The following SGCD variants were observed in gnomAD, a reference collection of about 807,000 sequenced individuals.
SGCD encodes the protein sarcoglycan delta, also known as delta-sarcoglycan.
A neutral mutation model predicts 36.6 loss-of-function variants in SGCD; 18 were observed. That is an observed-to-expected ratio of 0.49 (90% CI 0.34 to 0.73). The LOEUF (loss-of-function observed/expected upper bound fraction) is 0.73, where lower values mean the gene tolerates loss of function less well. Ranked by LOEUF, SGCD falls within the 30% of genes least tolerant of loss-of-function variation. The probability of loss-of-function intolerance (pLI) is 0.01; values close to 1 mark genes in which losing one functional copy is unlikely to be tolerated. For missense variants in SGCD, 387 were observed against 346.7 expected, an observed-to-expected ratio of 1.12 and a Z score of -0.92; for synonymous variants, 133 against 130.6, an observed-to-expected ratio of 1.02 and a Z score of -0.12.
At chr5:156,694,985 A>G (rs960534304) in intron 7 of SGCD, among the ~76,000 whole-genome samples, 1 of 152,224 alleles carries the variant, frequency 6.6e-6, no homozygotes, top group Admixed American at 6.5e-5. Context: ...GAGTAAATGA[A>G]TATTACTGCA....
chr5:155,733,014 GTTTT>G, the SGCD span, among the ~76,000 whole-genome samples: 40,813 of 141,516 alleles, frequency 0.29, 5,948 homozygotes, highest in East Asian at 0.37. Flanking sequence ...TGTTATACTC[GTTTT>G]TTTTTTTTTT....
chr5:155,868,913 G>A (rs1755575806), upstream of SGCD, among the ~76,000 whole-genome samples: 1 of 152,124 alleles, frequency 6.6e-6, no homozygotes, highest in Non-Finnish European at 1.5e-5. Context: ...AGCAAGAAAT[G>A]TGAACAGTAA....
the SGCD span, among the ~76,000 whole-genome samples, chr5:155,801,932 T>C: frequency 6.6e-6 from 1 of 152,212 alleles, no homozygotes; most frequent in African/African-American, 2.4e-5. Flanking sequence ...TGTAAGGGCA[T>C]CTGTGTCACC....
chr5:155,797,415 A>G, the SGCD span, among the ~76,000 whole-genome samples: 1 of 152,366 alleles, frequency 6.6e-6, no homozygotes, highest in East Asian at 1.9e-4. Context: ...TATAAAATAA[A>G]AGGAGTTCTA....
At position 156,577,331 on chromosome 5, in the gene SGCD, T is replaced by C. The variant is rs538959756; in HGVS notation, c.295-11900T>C. ...TTTTGGTTGCTGTAGCCTTGTGGAA[T>C]GGTTTGAAGTCAGGTAAAGTGATTC... On this transcript the variant is annotated intron_variant, in intron 4 of 8. Coordinates refer to ENST00000337851, the MANE Select transcript of SGCD (RefSeq NM_000337.6). Among the ~76,000 whole-genome samples, 11 of 152,354 alleles carry C rather than the reference T, an allele frequency of 7.2e-5. No homozygotes were observed. In the South Asian group the frequency reaches 2.1e-3, roughly 29 times the overall value.
At chr5:156,122,506 G>T (rs532426421) in intron 2 of SGCD, among the ~76,000 whole-genome samples, 35 of 152,160 alleles carry the variant, frequency 2.3e-4, no homozygotes, top group African/African-American at 8.4e-4. Flanking sequence ...GAGGAGAAAA[G>T]TTTCCCAGGT....
the SGCD span, among the ~76,000 whole-genome samples, chr5:155,806,902 G>T: frequency 6.6e-6 from 1 of 152,156 alleles, no homozygotes; most frequent in East Asian, 1.9e-4. Flanking sequence ...TCTCAGAAGA[G>T]TTTATAAGTT....
chr5:156,061,710 G>A (rs530557350), intron 1 of SGCD, among the ~76,000 whole-genome samples: 28 of 145,476 alleles, frequency 1.9e-4, no homozygotes, highest in African/African-American at 6.4e-4. Context: ...ACTAGGAACA[G>A]GAGAAATTTA....
chr5:156,096,591 G>A (rs181865402), intron 1 of SGCD, among the ~76,000 whole-genome samples: 135 of 152,264 alleles, frequency 8.9e-4, no homozygotes, highest in Non-Finnish European at 1.6e-3. Context: ...AACTGCAGCC[G>A]TCAGGTAATC....
intron 3 of SGCD, among the ~76,000 whole-genome samples, chr5:156,456,113 T>C (rs575272729): frequency 6.6e-6 from 1 of 152,268 alleles, no homozygotes; most frequent in East Asian, 1.9e-4. Context: ...AGAAAACTAG[T>C]GCAGTTTGGT....
chr5:156,406,841 C>CAT (rs541397953), intron 3 of SGCD, among the ~76,000 whole-genome samples: 3 of 119,546 alleles, frequency 2.5e-5, no homozygotes, highest in African/African-American at 9.7e-5. Context: ...CACACACACA[C>CAT]ATATATATGT....
At chr5:156,622,734 G>A (rs989654528) in intron 6 of SGCD, among the ~76,000 whole-genome samples, 2 of 152,148 alleles carry the variant, frequency 1.3e-5, no homozygotes, top group African/African-American at 4.8e-5. Flanking sequence ...TGAACTGGGA[G>A]AAACTTAGCA....
intron 1 of SGCD, among the ~76,000 whole-genome samples, chr5:156,091,979 A>ACC (rs1247828263): frequency 1.3e-5 from 2 of 152,214 alleles, no homozygotes; most frequent in Admixed American, 1.3e-4. Flanking sequence ...GGAGAAGCAC[A>ACC]TCCAGATCTA....
intron 3 of SGCD, among the ~76,000 whole-genome samples, chr5:156,275,079 TATA>T (rs1766282227): frequency 1.3e-5 from 2 of 152,178 alleles, no homozygotes; most frequent in Non-Finnish European, 2.9e-5. Flanking sequence ...TTTAAAAATG[TATA>T]ACTCAAGCCA....
chr5:156,486,324 CT>C (rs1294367018), intron 3 of SGCD, among the ~76,000 whole-genome samples: 2 of 152,156 alleles, frequency 1.3e-5, no homozygotes, highest in East Asian at 3.9e-4. Context: ...AAGGCTGCCC[CT>C]GAGACAAAGG....
At chr5:156,162,800 C>G (rs996148165) in intron 3 of SGCD, among the ~76,000 whole-genome samples, 1 of 151,700 alleles carries the variant, frequency 6.6e-6, no homozygotes, top group Non-Finnish European at 1.5e-5. Context: ...CTAAAACATT[C>G]TGCCTCCTGA....
chr5:155,911,118 A>G (rs942285596), intron 1 of SGCD, among the ~76,000 whole-genome samples: 4 of 152,096 alleles, frequency 2.6e-5, no homozygotes, highest in East Asian at 3.9e-4. Context: ...CTCCATATCA[A>G]TCTTTAACAT....
chr5:156,497,741 T>C (rs1313334960), intron 3 of SGCD, among the ~76,000 whole-genome samples: 1 of 152,064 alleles, frequency 6.6e-6, no homozygotes, highest in South Asian at 2.1e-4. Flanking sequence ...GGAAACTATA[T>C]ATTAACATCA....
At chr5:156,266,977 T>C (rs1321478092) in intron 3 of SGCD, among the ~76,000 whole-genome samples, 2 of 152,150 alleles carry the variant, frequency 1.3e-5, no homozygotes, top group East Asian at 1.9e-4. Context: ...CTGTAAGATA[T>C]CAGATTTAGT....
Sources: gnomAD v4.1 joint callset for allele counts (sites outside exome capture counted in the v4.1 genomes callset) on GRCh38, gnomAD v4.1.1 for gene constraint, MANE v1.5 for transcripts, NCBI Gene and HGNC (gene_info 2026-07-23, HGNC 2026-07-21) for gene names.